CSMD2: variants seen among roughly 807,000 people sequenced by gnomAD.
The protein encoded by CSMD2 is CUB and sushi domain-containing protein 2.
Under a neutral mutation model 398.5 loss-of-function variants are expected in CSMD2, and 130 were observed. That is an observed-to-expected ratio of 0.33 (90% confidence interval 0.28 to 0.38). The LOEUF (loss-of-function observed/expected upper bound fraction) is 0.38, where lower values mean the gene tolerates loss of function less well. CSMD2 is among the 10% of genes least tolerant of loss of function. CSMD2 has a pLI of 1.00. For synonymous variants in CSMD2, 1,828 were observed against 1,908.5 expected, an observed-to-expected ratio of 0.96 and a Z score of 1.10; for missense variants, 3,829 against 4,764.9, an observed-to-expected ratio of 0.80 and a Z score of 5.78.
At chr1:34,104,087 T>A (rs1410357242) in intron 1 of CSMD2, among the ~76,000 whole-genome samples, 1 of 152,236 alleles carries the variant, frequency 6.6e-6, no homozygotes, top group East Asian at 1.9e-4. Context: ...CACCACCTAA[T>A]CTTTCAGTAA....
chr1:33,634,971 C>T (rs1642709216), intron 31 of CSMD2, among the ~76,000 whole-genome samples: 1 of 152,144 alleles, frequency 6.6e-6, no homozygotes, highest in Non-Finnish European at 1.5e-5. Flanking sequence ...TGGCCAGTTT[C>T]TCACCAACTC....
Position 33,682,733 on chromosome 1 carries a change from C to G in CSMD2, c.4052+10197G>C, listed in dbSNP as rs138759851. ...TATAATTCATCCTGAGCTCCTATAC[C>G]CTTGGTCTGCTCTAGAGGTTGCCTC... On this transcript the variant is annotated intron_variant, in intron 25 of 70. Transcript: ENST00000373381. 2.9e-3 allele frequency among the ~76,000 whole-genome samples: 441 copies of G among 152,224 alleles called. 6 individuals are homozygous for G. The highest frequency in any genetic ancestry group is 0.01 in the African/African-American group (424 of 41,520).
At chr1:33,751,785 ATTT>A in intron 13 of CSMD2, among the ~76,000 whole-genome samples, 1 of 145,568 alleles carries the variant, frequency 6.9e-6, no homozygotes, top group African/African-American at 2.5e-5. Context: ...CGCCCAGCTA[ATTT>A]TTTTTTTTTT....
At chr1:34,157,915 T>C (rs1175778854) in intron 1 of CSMD2, among the ~76,000 whole-genome samples, 2 of 152,170 alleles carry the variant, frequency 1.3e-5, no homozygotes, top group Non-Finnish European at 2.9e-5. Flanking sequence ...TAGTGGGTCA[T>C]GACTATCTTT....
chr1:34,092,916 G>A (rs2148381856), intron 1 of CSMD2, among the ~76,000 whole-genome samples: 1 of 152,202 alleles, frequency 6.6e-6, no homozygotes, highest in South Asian at 2.1e-4. Flanking sequence ...ACAGCTCAAG[G>A]AGGCCTGCCT....
intron 3 of CSMD2, among the ~76,000 whole-genome samples, chr1:33,987,348 C>T (rs777068789): frequency 1.3e-5 from 2 of 152,026 alleles, no homozygotes; most frequent in Non-Finnish European, 2.9e-5. Context: ...TAATTTAATC[C>T]GCATAATACC....
intron 21 of CSMD2, among the ~76,000 whole-genome samples, chr1:33,713,371 C>G (rs1247090945): frequency 3.9e-5 from 6 of 152,194 alleles, no homozygotes; most frequent in African/African-American, 1.4e-4. Context: ...CTGCTTTGAT[C>G]TGTTTTGTAT....
At chr1:33,640,999 C>A (rs552587854) in intron 29 of CSMD2, among the ~76,000 whole-genome samples, 3 of 152,222 alleles carry the variant, frequency 2.0e-5, no homozygotes, top group African/African-American at 4.8e-5. Context: ...TGTGTTCTTT[C>A]AGATTCTCTA....
chr1:34,102,579 G>C (rs1056225404), intron 1 of CSMD2, among the ~76,000 whole-genome samples: 2 of 82,550 alleles, frequency 2.4e-5, no homozygotes, highest in African/African-American at 7.3e-5. Context: ...CTGTGATCCA[G>C]CCATATCCCT....
intron 5 of CSMD2, among the ~76,000 whole-genome samples, chr1:33,894,830 G>T (rs544930485): frequency 6.6e-6 from 1 of 152,272 alleles, no homozygotes; most frequent in East Asian, 1.9e-4. Flanking sequence ...CCTCTGTCTT[G>T]TTGGGGCATC....
chr1:33,739,531 C>T (rs1646990584), intron 14 of CSMD2, among the ~76,000 whole-genome samples, 197 bp from the exon 15 acceptor site: 1 of 152,246 alleles, frequency 6.6e-6, no homozygotes, highest in Non-Finnish European at 1.5e-5. Flanking sequence ...TTCCTGCCTT[C>T]CCGAGCACCT....
Position 33,537,187 on chromosome 1 carries a change from G to A in CSMD2, c.9806-92C>T. 1 of 1,425,940 alleles carries A rather than the reference G, an allele frequency of 7.0e-7. No individual in the cohort carries two copies. The highest frequency in any genetic ancestry group is 9.9e-7 in the Non-Finnish European group (1 of 1,014,494). 88.3% of individuals were successfully genotyped at this position (1,425,940 alleles called of 1,614,324 possible). On this transcript the variant is annotated intron_variant, in intron 61 of 70. Transcript: ENST00000373381. This position sits in a 1 kb window ranked among gnomAD's most constrained non-coding sequence, Gnocchi z 4.6. Reference sequence around the variant, plus strand: ...GGGAAATAGGTGTAGAAAAGAAAATGCGGCCACATCCTGACTTCCCTGCCC... The same window carrying A: ...GGGAAATAGGTGTAGAAAAGAAAATACGGCCACATCCTGACTTCCCTGCCC...
rs1644126779 is a variant in CSMD2 at position 33,926,347 on chromosome 1, T to C, written c.713-8046A>G. On this transcript the variant is annotated intron_variant, in intron 4 of 70. Transcript: ENST00000373381. Reference sequence around the variant, plus strand: ...TAGTCTCCTCCACATCCCTGCTTGATAGTGGTTTGGTAAGCCATCCCGAGA... The same window carrying C: ...TAGTCTCCTCCACATCCCTGCTTGACAGTGGTTTGGTAAGCCATCCCGAGA... 2.6e-5 allele frequency among the ~76,000 whole-genome samples: 4 copies of C among 152,170 alleles called. No homozygotes were observed. The South Asian group carries it at 8.3e-4, about 32-fold the overall frequency.
At chr1:33,880,532 A>G (rs752798693) in intron 5 of CSMD2, among the ~76,000 whole-genome samples, 11 of 152,202 alleles carry the variant, frequency 7.2e-5, no homozygotes, top group Middle Eastern at 3.2e-3. Context: ...TATTTACATT[A>G]AAGTGTGACC....
chr1:33,986,404 C>T (rs2147977135), intron 3 of CSMD2, among the ~76,000 whole-genome samples: 1 of 152,294 alleles, frequency 6.6e-6, no homozygotes, highest in African/African-American at 2.4e-5. Context: ...GGAGTCCTCA[C>T]ATTGCCCCTA....
chr1:34,098,446 AAAAG>A (rs1392012359), intron 1 of CSMD2, among the ~76,000 whole-genome samples: 1 of 150,938 alleles, frequency 6.6e-6, no homozygotes. Flanking sequence ...TAAATAAATA[AAAAG>A]AAAAAAAAAG....
intron 2 of CSMD2, among the ~76,000 whole-genome samples, chr1:34,086,636 A>T (rs571850685): frequency 4.3e-4 from 66 of 152,294 alleles, no homozygotes; most frequent in Non-Finnish European, 8.1e-4. Flanking sequence ...TTTGGAATAC[A>T]GCACAGAGCT....
chr1:33,766,481 C>T (rs1650512937), intron 13 of CSMD2, among the ~76,000 whole-genome samples: 1 of 152,186 alleles, frequency 6.6e-6, no homozygotes, highest in South Asian at 2.1e-4. Context: ...ATATTCATAG[C>T]ATCAATGTTT....
chr1:34,077,508 G>A (rs939774262), intron 2 of CSMD2, among the ~76,000 whole-genome samples: 95 of 148,032 alleles, frequency 6.4e-4, no homozygotes, highest in Middle Eastern at 3.7e-3. Context: ...AGGCCGAGGC[G>A]GGCGAATCAT....
Sources: allele counts gnomAD v4.1 joint callset (sites outside exome capture counted in the v4.1 genomes callset), GRCh38; gene constraint gnomAD v4.1.1; non-coding constraint Gnocchi (gnomAD v3.1); transcripts MANE v1.5; gene names NCBI Gene and HGNC (gene_info 2026-07-23, HGNC 2026-07-21).